BLVRA: variants seen among roughly 807,000 people sequenced by gnomAD.
The protein encoded by BLVRA is biliverdin reductase A, also known as BVR A.
BLVRA carries 22 observed loss-of-function variants against 32.8 expected under a neutral mutation model. The ratio of observed to expected loss-of-function variants is 0.67; its 90% CI spans 0.48 to 0.96. The LOEUF (loss-of-function observed/expected upper bound fraction) is 0.96. BLVRA is among the 40% of genes least tolerant of loss of function. BLVRA has a pLI of 0.00. For missense variants in BLVRA, 323 were observed against 358.1 expected (o/e 0.90, Z 0.79); for synonymous variants, 119 against 141.3 (o/e 0.84, Z 1.12).
At chr7:43,788,209 C>A (rs923872648) in intron 3 of BLVRA, among the ~76,000 whole-genome samples, 184 bp downstream of exon 3, 1 of 152,138 alleles carries the variant, frequency 6.6e-6, no homozygotes, top group Non-Finnish European at 1.5e-5. Flanking sequence ...GCTTGCTGGG[C>A]CTGCAGCTGG....
intron 6 of BLVRA, among the ~76,000 whole-genome samples, chr7:43,803,223 G>A (rs1387825373): frequency 6.6e-6 from 1 of 151,932 alleles, no homozygotes; most frequent in Admixed American, 6.6e-5. Flanking sequence ...AGGCTTGCAG[G>A]GCTAAAATAC....
At chr7:43,772,933 A>G (rs2095756214) in intron 2 of BLVRA, among the ~76,000 whole-genome samples, 1 of 152,120 alleles carries the variant, frequency 6.6e-6, no homozygotes. Flanking sequence ...TAGTGACGGT[A>G]TACCCTTCTC....
rs566629559 is a variant in BLVRA at position 43,768,538 on chromosome 7, C to CT, written c.-21-2590dup. ...GTCTGTAAAATGGAATTAATACTAG[C>CT]TTTTTTTTTTGCCAGGGTTCTGAGG... On this transcript the variant is annotated intron_variant, in intron 1 of 7. Transcript: ENST00000265523. Among the ~76,000 whole-genome samples, 74 of 148,510 alleles carry CT rather than the reference C, an allele frequency of 5.0e-4. 1 individual carries two copies. In the South Asian group the frequency reaches 8.4e-3, roughly 17 times the overall value.
At chr7:43,791,002 C>G (rs1266290563) in intron 3 of BLVRA, among the ~76,000 whole-genome samples, 1 of 152,142 alleles carries the variant, frequency 6.6e-6, no homozygotes, top group Non-Finnish European at 1.5e-5. Flanking sequence ...TGAAGTAATT[C>G]AAGACTCTCC....
In BLVRA at chr7:43,787,785, G is replaced by A; in HGVS notation, c.13-119G>A. 6.7e-7 allele frequency: 1 copy of A among 1,489,514 alleles called. No individual in the cohort carries two copies. The highest frequency in any genetic ancestry group is 1.4e-5 in the African/African-American group (1 of 72,164). 92.3% of individuals were successfully genotyped at this position (1,489,514 alleles called of 1,614,324 possible). A position where few individuals can be genotyped will look rare whatever the true frequency, so the allele number is the denominator to read the frequency against. On this transcript the variant is annotated intron_variant, in intron 2 of 7. Transcript: ENST00000265523. This position sits in a 1 kb window ranked among gnomAD's most constrained non-coding sequence, Gnocchi z 4.5. Reference sequence around the variant, plus strand: ...TCCCATCCTGATGCTGTGGCTTCCTGTGTGTTTTGGGCTGGCTTCCATCTT... The same window carrying A: ...TCCCATCCTGATGCTGTGGCTTCCTATGTGTTTTGGGCTGGCTTCCATCTT...
chr7:43,783,512 C>G (rs1230535913), intron 2 of BLVRA, among the ~76,000 whole-genome samples: 1 of 152,040 alleles, frequency 6.6e-6, no homozygotes, highest in Non-Finnish European at 1.5e-5. Flanking sequence ...CCATGTAATA[C>G]TCTATATCAC....
intron 2 of BLVRA, among the ~76,000 whole-genome samples, chr7:43,781,563 C>T (rs1425696010): frequency 1.3e-5 from 2 of 152,214 alleles, no homozygotes; most frequent in Non-Finnish European, 2.9e-5. Context: ...TCTTGAACTC[C>T]TGACCTCAAG....
intron 5 of BLVRA, among the ~76,000 whole-genome samples, chr7:43,795,630 A>C (rs1490500309): frequency 2.6e-5 from 4 of 152,226 alleles, no homozygotes; most frequent in Non-Finnish European, 5.9e-5. Context: ...TCAACATCCT[A>C]ACTTTACATT....
intron 2 of BLVRA, among the ~76,000 whole-genome samples, chr7:43,772,243 A>G (rs1009690058): frequency 2.0e-5 from 3 of 152,242 alleles, no homozygotes; most frequent in Non-Finnish European, 2.9e-5. Context: ...GCAGGTGCCC[A>G]TGTGGCAGCA....
At chr7:43,775,435 ATTACCG>A (rs1470313569) in intron 2 of BLVRA, among the ~76,000 whole-genome samples, 4 of 152,102 alleles carry the variant, frequency 2.6e-5, no homozygotes, top group Non-Finnish European at 5.9e-5. Context: ...TATATGCTGG[ATTACCG>A]TTATTGATTT....
Position 43,792,421 on chromosome 7 carries a change from G to A in BLVRA, c.255-294G>A, listed in dbSNP as rs554553235. 2.6e-5 allele frequency among the ~76,000 whole-genome samples: 4 copies of A among 152,266 alleles called. No individual in the cohort carries two copies. In the East Asian group the frequency reaches 7.7e-4, roughly 29 times the overall value. ...TGATAGGAAATTTATTTGTTAATGT[G>A]TCTTTATTTCTCCTCCACAGTAATT... is the stretch of plus-strand genomic sequence containing the variant. On this transcript the variant is annotated intron_variant, in intron 4 of 7. Transcript: ENST00000265523.
chr7:43,795,710 CATAA>C (rs1034735150), intron 5 of BLVRA, among the ~76,000 whole-genome samples: 2 of 151,550 alleles, frequency 1.3e-5, no homozygotes, highest in African/African-American at 4.8e-5. Context: ...AAGATTAGAA[CATAA>C]ATAAAATAGA....
chr7:43,778,342 TGTTA>T (rs1204182449), intron 2 of BLVRA, among the ~76,000 whole-genome samples: 1 of 152,228 alleles, frequency 6.6e-6, no homozygotes, highest in Non-Finnish European at 1.5e-5. Flanking sequence ...CCTTTCTGTT[TGTTA>T]GTTTTCCTTC....
intron 7 of BLVRA, among the ~76,000 whole-genome samples, chr7:43,805,439 C>T (rs775664190): frequency 3.9e-5 from 6 of 152,182 alleles, no homozygotes; most frequent in Middle Eastern, 3.4e-3. Context: ...CCTGCCACCA[C>T]GCCCGGCTCA....
intron 2 of BLVRA, among the ~76,000 whole-genome samples, chr7:43,777,064 A>G (rs1379098784): frequency 2.0e-5 from 3 of 150,406 alleles, no homozygotes; most frequent in African/African-American, 7.3e-5. Context: ...TTTCCTGAAT[A>G]CAGCACACTG....
intron 4 of BLVRA, 42 bp from the exon 5 acceptor site, chr7:43,792,673 A>T: frequency 6.5e-7 from 1 of 1,544,184 alleles, no homozygotes; most frequent in Non-Finnish European, 8.9e-7. Flanking sequence ...AGTGAAGCTT[A>T]TTCGAAGTGT....
chr7:43,800,916 C>T (rs925348219), intron 6 of BLVRA, among the ~76,000 whole-genome samples: 4 of 152,062 alleles, frequency 2.6e-5, no homozygotes, highest in Non-Finnish European at 4.4e-5. Flanking sequence ...GAAGAGCTCC[C>T]TTCCTCCTCT....
intron 1 of BLVRA, among the ~76,000 whole-genome samples, chr7:43,769,405 T>C (rs2095751945): frequency 6.6e-6 from 1 of 152,164 alleles, no homozygotes; most frequent in African/African-American, 2.4e-5. Context: ...AAGTCCACTT[T>C]CTTTGTCACA....
Position 43,800,520 on chromosome 7 carries a change from G to GA in BLVRA, c.414dup (p.Glu139ArgfsTer79). 6.2e-7 allele frequency: 1 copy of GA among 1,614,080 alleles called. No homozygotes were observed. The highest frequency in any genetic ancestry group is 8.5e-7 in the Non-Finnish European group (1 of 1,179,934). On this transcript the variant is annotated frameshift_variant, in exon 6 of 8. Transcript: ENST00000265523. LOFTEE classifies it high-confidence loss of function. ...TCTTGATGGAGGAATTCGCTTTCCT[G>GA]AAAAAAGAAGTGGTGGGGAAAGACC... is the stretch of plus-strand genomic sequence containing the variant.
Sources: allele counts gnomAD v4.1 joint callset (sites outside exome capture counted in the v4.1 genomes callset), GRCh38; gene constraint gnomAD v4.1.1; non-coding constraint Gnocchi (gnomAD v3.1); transcripts MANE v1.5; gene names NCBI Gene and HGNC (gene_info 2026-07-23, HGNC 2026-07-21).